Variants in LYPD6B observed in about 807,000 individuals in gnomAD.
LYPD6B encodes ly6/PLAUR domain-containing protein 6B.
In LYPD6B, 17 loss-of-function variants were observed where a neutral mutation model predicts 22.8. The ratio of observed to expected loss-of-function variants is 0.75; its 90% CI spans 0.51 to 1.12. The LOEUF is 1.12. Among genes scored for constraint, LYPD6B ranks in the 50% most tolerant of loss-of-function variants. The pLI, the probability that LYPD6B is intolerant of heterozygous loss-of-function variation, is 0.00. For synonymous variants in LYPD6B, 106 were observed against 91.6 expected (o/e 1.16, Z -0.90); for missense variants, 221 against 258.3 (o/e 0.86, Z 0.99).
intron 3 of LYPD6B, among the ~76,000 whole-genome samples, chr2:149,201,881 TTGAGAGGA>T: frequency 6.6e-6 from 1 of 152,374 alleles, no homozygotes; most frequent in Non-Finnish European, 1.5e-5. Flanking sequence ...TGGAAGTTTT[TTGAGAGGA>T]TGCTATGTTC....
At chr2:149,040,446 G>A (rs1030062238) in intron 1 of LYPD6B, among the ~76,000 whole-genome samples, 1 of 152,028 alleles carries the variant, frequency 6.6e-6, no homozygotes, top group South Asian at 2.1e-4. Flanking sequence ...GGCTGGTCTC[G>A]AACTCCTAAC....
intron 1 of LYPD6B, among the ~76,000 whole-genome samples, chr2:149,065,163 A>G (rs1290450845): frequency 6.6e-6 from 1 of 152,160 alleles, no homozygotes; most frequent in Non-Finnish European, 1.5e-5. Context: ...CTTACGAGTG[A>G]TAGATACTGA....
chr2:149,153,608 C>T (rs1395386651), intron 2 of LYPD6B, among the ~76,000 whole-genome samples: 1 of 152,010 alleles, frequency 6.6e-6, no homozygotes, highest in African/African-American at 2.4e-5. Context: ...AACACGGTCT[C>T]TACTAAAATA....
At chr2:149,095,519 C>A (rs922329191) in intron 1 of LYPD6B, among the ~76,000 whole-genome samples, 1 of 152,084 alleles carries the variant, frequency 6.6e-6, no homozygotes, top group South Asian at 2.1e-4. Context: ...TTAGATCAAA[C>A]AATAAAAATT....
At chr2:149,157,673 C>T (rs1689796534) in intron 2 of LYPD6B, among the ~76,000 whole-genome samples, 1 of 152,218 alleles carries the variant, frequency 6.6e-6, no homozygotes, top group Non-Finnish European at 1.5e-5. Context: ...GCCATCTGCT[C>T]TTCCATACAC....
chr2:149,158,311 A>G (rs552313450), intron 2 of LYPD6B, among the ~76,000 whole-genome samples: 2 of 152,328 alleles, frequency 1.3e-5, no homozygotes, highest in South Asian at 4.1e-4. Flanking sequence ...TGTGGTATAT[A>G]CTTACAATGG....
intron 3 of LYPD6B, among the ~76,000 whole-genome samples, chr2:149,187,072 G>A (rs1254582874): frequency 6.6e-6 from 1 of 152,112 alleles, no homozygotes; most frequent in Non-Finnish European, 1.5e-5. Context: ...AATTAAGGTA[G>A]GTACAACTTA....
At chr2:149,163,976 G>C (rs531861331) in intron 3 of LYPD6B, among the ~76,000 whole-genome samples, 21 of 152,346 alleles carry the variant, frequency 1.4e-4, no homozygotes, top group Non-Finnish European at 2.4e-4. Context: ...TCGTAAGAGA[G>C]AGAGGAGGAA....
At chr2:149,167,862 G>A (rs762989047) in intron 3 of LYPD6B, among the ~76,000 whole-genome samples, 3 of 151,992 alleles carry the variant, frequency 2.0e-5, no homozygotes, top group African/African-American at 7.2e-5. Flanking sequence ...GACGATGATT[G>A]CTTAACAATA....
intron 3 of LYPD6B, among the ~76,000 whole-genome samples, chr2:149,169,902 CT>C (rs1208397950): frequency 6.6e-6 from 1 of 152,300 alleles, no homozygotes; most frequent in East Asian, 1.9e-4. Context: ...ACCACTCCCC[CT>C]GAGTCATCCA....
rs1191730619 is a variant in LYPD6B at position 149,080,873 on chromosome 2, C to CA, written c.-67+42079dup. 2.7e-4 allele frequency among the ~76,000 whole-genome samples: 29 copies of CA among 108,824 alleles called. 2 individuals carry two copies. Among genetic ancestry groups the CA allele is most frequent in the African/African-American group, 9.4e-4 (24 of 25,494 alleles). The allele number at this position is 108,824 out of a possible 152,430, so 71.4% of individuals were successfully genotyped here. A position where few individuals can be genotyped will look rare whatever the true frequency, so the allele number is the denominator to read the frequency against. ...AAAAAAAAAAAAAAAAAAAACCACA[C>CA]AAAAAAATTCAGTATATTAGGCAAT... On this transcript the variant is annotated intron_variant, in intron 1 of 6. Transcript: ENST00000409642.
intron 1 of LYPD6B, among the ~76,000 whole-genome samples, chr2:149,104,008 C>T (rs1181689746): frequency 1.3e-5 from 2 of 151,888 alleles, no homozygotes; most frequent in Non-Finnish European, 1.5e-5. Context: ...AAACTCCTGA[C>T]CTCAAGTAAT....
chr2:149,040,583 A>G (rs1263942957), intron 1 of LYPD6B, among the ~76,000 whole-genome samples: 2 of 152,130 alleles, frequency 1.3e-5, no homozygotes, highest in Non-Finnish European at 2.9e-5. Context: ...ATCTCAGCAG[A>G]CAGGGAGAGG....
intron 1 of LYPD6B, among the ~76,000 whole-genome samples, chr2:149,063,075 T>A (rs1684166359): frequency 6.6e-6 from 1 of 152,036 alleles, no homozygotes; most frequent in African/African-American, 2.4e-5. Context: ...GGAACTTATA[T>A]CTTAATGGGA....
intron 1 of LYPD6B, among the ~76,000 whole-genome samples, chr2:149,067,312 A>G (rs1426066395): frequency 2.6e-5 from 4 of 152,122 alleles, no homozygotes; most frequent in African/African-American, 9.7e-5. Flanking sequence ...CATATTTTAT[A>G]TTTATTCATT....
chr2:149,105,248 A>G (rs1686416783), intron 1 of LYPD6B, among the ~76,000 whole-genome samples: 1 of 152,118 alleles, frequency 6.6e-6, no homozygotes, highest in African/African-American at 2.4e-5. Context: ...CAGCTATGTG[A>G]TAAGTCTTAA....
At chr2:149,103,513 A>G (rs1189094039) in intron 1 of LYPD6B, among the ~76,000 whole-genome samples, 1 of 152,158 alleles carries the variant, frequency 6.6e-6, no homozygotes, top group African/African-American at 2.4e-5. Context: ...AATAAACTGT[A>G]CATATTTAAA....
At chr2:149,053,973 A>T (rs1683677814) in intron 1 of LYPD6B, among the ~76,000 whole-genome samples, 1 of 152,252 alleles carries the variant, frequency 6.6e-6, no homozygotes, top group Non-Finnish European at 1.5e-5. Context: ...CGTTGTACGA[A>T]TACACCACAT....
chr2:149,136,439 C>G (rs1176226226), intron 2 of LYPD6B, among the ~76,000 whole-genome samples: 1 of 152,210 alleles, frequency 6.6e-6, no homozygotes, highest in Non-Finnish European at 1.5e-5. Flanking sequence ...TCTTCATTAG[C>G]TTCTTAGGAG....
Sources: allele counts gnomAD v4.1 joint callset (sites outside exome capture counted in the v4.1 genomes callset), GRCh38; gene constraint gnomAD v4.1.1; transcripts MANE v1.5; gene names NCBI Gene and HGNC (gene_info 2026-07-23, HGNC 2026-07-21).